ESR1: variants seen among roughly 807,000 people sequenced by gnomAD.
ESR1 encodes the protein estrogen receptor 1.
Under a neutral mutation model 52.7 loss-of-function variants are expected in ESR1, and 12 were observed. The observed-to-expected ratio is 0.23, with a 90% CI of 0.15 to 0.37. ESR1 has a LOEUF of 0.37. Among genes scored for constraint, ESR1 ranks in the 10% least tolerant of loss-of-function variants. ESR1 has a pLI of 1.00. For synonymous variants in ESR1, 305 were observed against 316.8 expected, an observed-to-expected ratio of 0.96 and a Z score of 0.39; for missense variants, 584 against 779.7, an observed-to-expected ratio of 0.75 and a Z score of 2.99.
intron 4 of ESR1, among the ~76,000 whole-genome samples, chr6:151,956,067 T>A (rs1484763045): frequency 1.3e-5 from 2 of 152,218 alleles, no homozygotes; most frequent in African/African-American, 4.8e-5. Flanking sequence ...TCTTTGTTTT[T>A]ATGGCTGCAG....
At chr6:151,917,324 C>G (rs2128453315) in intron 3 of ESR1, among the ~76,000 whole-genome samples, 1 of 152,250 alleles carries the variant, frequency 6.6e-6, no homozygotes, top group South Asian at 2.1e-4. Context: ...GAATGCCAAC[C>G]AGTAGGAGAT....
intron 4 of ESR1, among the ~76,000 whole-genome samples, chr6:152,005,479 T>G (rs1159071500): frequency 6.6e-6 from 1 of 152,000 alleles, no homozygotes; most frequent in East Asian, 1.9e-4. Context: ...AAGTTTGAAG[T>G]TATAAACCTA....
intron 1 of ESR1, among the ~76,000 whole-genome samples, chr6:151,666,458 A>C (rs1272282307): frequency 6.6e-6 from 1 of 152,168 alleles, no homozygotes; most frequent in African/African-American, 2.4e-5. Flanking sequence ...GGTGAGTAAG[A>C]ATGACAGAAG....
chr6:151,900,228 T>C (rs1452335973), intron 3 of ESR1, among the ~76,000 whole-genome samples: 2 of 152,266 alleles, frequency 1.3e-5, no homozygotes, highest in African/African-American at 2.4e-5. Context: ...TGTTTTATTC[T>C]ATTGCTGAGA....
At chr6:151,942,784 T>A (rs566468182) in intron 3 of ESR1, among the ~76,000 whole-genome samples, 1 of 152,298 alleles carries the variant, frequency 6.6e-6, no homozygotes, top group South Asian at 2.1e-4. Flanking sequence ...TTATTTCTCA[T>A]GTCTTTGATA....
At chr6:151,727,816 G>A (rs1048159180) in intron 2 of ESR1, among the ~76,000 whole-genome samples, 15 of 151,956 alleles carry the variant, frequency 9.9e-5, no homozygotes, top group African/African-American at 2.9e-4. Flanking sequence ...TTCCCCCTTC[G>A]CTACTCACTC....
intron 2 of ESR1, among the ~76,000 whole-genome samples, chr6:151,710,756 T>C (rs1458398143): frequency 1.3e-5 from 2 of 152,010 alleles, no homozygotes; most frequent in East Asian, 3.9e-4. Context: ...CAGTGTGTGA[T>C]GTTCCCCTCC....
intron 1 of ESR1, among the ~76,000 whole-genome samples, chr6:151,840,691 G>A (rs750787021): frequency 1.3e-5 from 2 of 152,212 alleles, no homozygotes; most frequent in African/African-American, 2.4e-5. Context: ...GGGACTGGAA[G>A]CAGGAAGCTT....
chr6:152,068,587 T>C (rs758551448), intron 6 of ESR1, among the ~76,000 whole-genome samples: 1 of 152,188 alleles, frequency 6.6e-6, no homozygotes, highest in Non-Finnish European at 1.5e-5. Context: ...TTGACTTAAT[T>C]GATGCAGAAC....
At chr6:151,693,377 G>A (rs1414615064) in intron 1 of ESR1, among the ~76,000 whole-genome samples, 14 of 152,190 alleles carry the variant, frequency 9.2e-5, no homozygotes, top group Non-Finnish European at 1.8e-4. Context: ...ACCATCTGTT[G>A]AAATGCTGCT....
intron 4 of ESR1, among the ~76,000 whole-genome samples, chr6:152,005,550 G>C (rs1159468093): frequency 6.6e-6 from 1 of 151,898 alleles, no homozygotes; most frequent in Non-Finnish European, 1.5e-5. Flanking sequence ...TTCTTCTATT[G>C]GGCAGAAATT....
rs532374501 is a variant in ESR1 at position 151,812,989 on chromosome 6, T to C, written c.452+4625T>C. Among the ~76,000 whole-genome samples, 6 of 151,816 alleles carry C rather than the reference T, an allele frequency of 4.0e-5. 1 individual carries two copies. In the South Asian group the frequency reaches 1.2e-3, roughly 32 times the overall value. ...CTTACAAAAAAAAAAAAAGTATGTCTGAGCTGTTCGCTACTTCGTCTCTAA... is the reference window on the plus strand; with the variant it reads ...CTTACAAAAAAAAAAAAAGTATGTCCGAGCTGTTCGCTACTTCGTCTCTAA... On this transcript the variant is annotated intron_variant, in intron 1 of 7. Transcript: ENST00000206249.
chr6:151,939,124 T>C (rs1181212440), intron 3 of ESR1, among the ~76,000 whole-genome samples: 1 of 152,210 alleles, frequency 6.6e-6, no homozygotes, highest in Non-Finnish European at 1.5e-5. Flanking sequence ...GAAAATGGCA[T>C]GTTCATGTAT....
chr6:151,842,608 A>G lies in ESR1; in HGVS notation c.464A>G (p.Asp155Gly), dbSNP rs1784477076. 1 of 1,613,508 alleles carries G rather than the reference A, an allele frequency of 6.2e-7. No individual in the cohort carries two copies. Among genetic ancestry groups the G allele is most frequent in the Non-Finnish European group, 8.5e-7 (1 of 1,179,806 alleles). Residue 155 changes from aspartate to glycine, a missense_variant, in exon 2 of 8, where the codon GAT becomes GGT. Transcript: ENST00000206249. ...GPPAFYRPNS[D>G]NRRQGGRERL... ...TTTTTTCCCCCCAGGCCAAATTCAG[A>G]TAATCGACGCCAGGGTGGCAGAGAA...
intron 2 of ESR1, among the ~76,000 whole-genome samples, chr6:151,878,941 A>AT (rs1373273324): frequency 6.6e-6 from 1 of 152,198 alleles, no homozygotes; most frequent in Admixed American, 6.5e-5. Context: ...GCAGCTGGAC[A>AT]TATGTACCAG....
intron 3 of ESR1, among the ~76,000 whole-genome samples, chr6:151,899,120 G>A (rs1212302373): frequency 1.1e-4 from 14 of 132,430 alleles, no homozygotes; most frequent in Admixed American, 2.9e-4. Flanking sequence ...CTGGCCGGGC[G>A]GGGGGCTGAC....
chr6:151,878,351 C>A (rs1792216517), intron 2 of ESR1, among the ~76,000 whole-genome samples: 1 of 152,162 alleles, frequency 6.6e-6, no homozygotes, highest in Non-Finnish European at 1.5e-5. Flanking sequence ...CGTGTGTGGT[C>A]TTTTACTGAA....
chr6:151,939,744 C>T (rs1241375790), intron 3 of ESR1, among the ~76,000 whole-genome samples: 1 of 152,074 alleles, frequency 6.6e-6, no homozygotes, highest in Admixed American at 6.5e-5. Flanking sequence ...GGGATCCTAT[C>T]ACATGCAGTT....
At chr6:151,891,296 C>G (rs1380479131) in intron 3 of ESR1, among the ~76,000 whole-genome samples, 1 of 152,120 alleles carries the variant, frequency 6.6e-6, no homozygotes, top group East Asian at 1.9e-4. Flanking sequence ...GACTCAAGGC[C>G]AGGCAAAAAT....
Sources: allele counts gnomAD v4.1 joint callset (sites outside exome capture counted in the v4.1 genomes callset), GRCh38; gene constraint gnomAD v4.1.1; transcripts MANE v1.5; gene names NCBI Gene and HGNC (gene_info 2026-07-23, HGNC 2026-07-21).